SLC26A11: variants seen among roughly 807,000 people sequenced by gnomAD.
The protein encoded by SLC26A11 is sodium-independent sulfate anion transporter.
Under a neutral mutation model 62.2 loss-of-function variants are expected in SLC26A11, and 58 were observed. The observed-to-expected ratio is 0.93, with a 90% CI of 0.76 to 1.16. The LOEUF is 1.16. Ranked by LOEUF, SLC26A11 falls within the 50% of genes most tolerant of loss-of-function variation. The pLI, the probability that SLC26A11 is intolerant of heterozygous loss-of-function variation, is 0.00. For synonymous variants in SLC26A11, 411 were observed against 368.9 expected (o/e 1.11, Z -1.31); for missense variants, 790 against 794.3 (o/e 0.99, Z 0.06).
intron 16 of SLC26A11, 100 bp from the exon 17 acceptor site, chr17:80,251,229 A>G: frequency 1.2e-6 from 2 of 1,611,294 alleles, no homozygotes; most frequent in Non-Finnish European, 1.7e-6. Context: ...GTGAAGCCAT[A>G]CCTCTCCGGG....
In SLC26A11 at chr17:80,222,544, C is replaced by G; in HGVS notation, c.235-111C>G. 8.5e-7 allele frequency: 1 copy of G among 1,178,356 alleles called. No individual in the cohort carries two copies. The highest frequency in any genetic ancestry group is 1.2e-6 in the Non-Finnish European group (1 of 819,996). 73.0% of individuals were successfully genotyped at this position (1,178,356 alleles called of 1,614,324 possible). On this transcript the variant is annotated intron_variant, in intron 3 of 17. Transcript: ENST00000361193. This position sits in a 1 kb window ranked among gnomAD's most constrained non-coding sequence, Gnocchi z 4.7. ...CAGGGCAGGGCGGTGCACCTTTAACCTGGGCCTGGACACAGCTGACACCCA... is the reference window on the plus strand; with the variant it reads ...CAGGGCAGGGCGGTGCACCTTTAACGTGGGCCTGGACACAGCTGACACCCA...
At chr17:80,230,633 C>G (rs554166754) in intron 7 of SLC26A11, among the ~76,000 whole-genome samples, 14 of 152,208 alleles carry the variant, frequency 9.2e-5, no homozygotes, top group Admixed American at 4.6e-4. Flanking sequence ...CAGAGACACA[C>G]TTGGGGCTGC....
At chr17:80,250,585 C>A (rs555861162) in intron 16 of SLC26A11, among the ~76,000 whole-genome samples, 6 of 152,204 alleles carry the variant, frequency 3.9e-5, no homozygotes, top group African/African-American at 9.7e-5. Flanking sequence ...CACCTGTAAT[C>A]CCAGCACTTT....
chr17:80,224,791 C>A (rs950845820), intron 5 of SLC26A11, among the ~76,000 whole-genome samples: 1 of 152,052 alleles, frequency 6.6e-6, no homozygotes, highest in Non-Finnish European at 1.5e-5. Flanking sequence ...TGGAAGGCAT[C>A]CCTTGTTCAT....
intron 16 of SLC26A11, among the ~76,000 whole-genome samples, chr17:80,249,551 GAC>G (rs1191599871): frequency 6.6e-6 from 1 of 152,192 alleles, no homozygotes; most frequent in Non-Finnish European, 1.5e-5. Context: ...TTGTGCTGGG[GAC>G]ACACAGTGAA....
rs1241389226 is a variant in SLC26A11 at position 80,246,187 on chromosome 17, C to T, written c.1131C>T (p.Thr377=). 2 of 1,612,464 alleles carry T rather than the reference C, an allele frequency of 1.2e-6. No individual in the cohort carries two copies. The highest frequency in any genetic ancestry group is 1.3e-5 in the African/African-American group (1 of 74,926). The change falls in exon 12 of 18, where the codon ACC becomes ACT. Residue 377 remains threonine (T), a synonymous_variant. Coordinates refer to ENST00000361193, the MANE Select transcript of SLC26A11 (RefSeq NM_001166347.2). This position sits in a 1 kb window ranked among gnomAD's most constrained non-coding sequence, Gnocchi z 4.4. ...TAVNAQSGVC[T]PAGGLVTGVL... The stretch of plus-strand genomic sequence containing the variant: ...TGAACGCTCAGTCGGGGGTGTGCAC[C>T]CCGGCGGGGGGCCTGGTGACGGGTA...
intron 7 of SLC26A11, among the ~76,000 whole-genome samples, chr17:80,235,383 G>A (rs1024892280): frequency 6.6e-6 from 1 of 151,506 alleles, no homozygotes; most frequent in Non-Finnish European, 1.5e-5. Context: ...TTGAGACAGG[G>A]TCTCACTGTG....
Position 80,222,622 on chromosome 17 carries a change from C to T in SLC26A11, c.235-33C>T, listed in dbSNP as rs1213844916. 6 of 1,601,756 alleles carry T rather than the reference C, an allele frequency of 3.7e-6. No individual in the cohort carries two copies. Among genetic ancestry groups the T allele is most frequent in the Admixed American group, 1.7e-5 (1 of 59,462 alleles). On this transcript the variant is annotated intron_variant, in intron 3 of 17. Coordinates refer to ENST00000361193, the MANE Select transcript of SLC26A11 (RefSeq NM_001166347.2). This position sits in a 1 kb window ranked among gnomAD's most constrained non-coding sequence, Gnocchi z 4.7. ...AGGGAGCTGGTGGATGGGCCTCGGC[C>T]TCCTGAGTGCTCACCACCCTCTCTC...
chr17:80,225,581 T>G (rs971122057), intron 5 of SLC26A11: 2 of 434,912 alleles, frequency 4.6e-6, no homozygotes, highest in African/African-American at 4.0e-5. Flanking sequence ...GAAAAGTAAT[T>G]TAGAGAAAAA....
At position 80,245,176 on chromosome 17, in the gene SLC26A11, C is replaced by A; in HGVS notation, c.1037-20C>A. 6.2e-7 allele frequency: 1 copy of A among 1,613,300 alleles called. No homozygotes were observed. The highest frequency in any genetic ancestry group is 1.1e-5 in the South Asian group (1 of 91,056). On this transcript the variant is annotated intron_variant, in intron 10 of 17. Transcript: ENST00000361193. Reference sequence around the variant, plus strand: ...TGTGTGCCTTCCCTCCACGATCAGCCTGTCTTGCCTCCTCCCCAGGTCTCA... The same window carrying A: ...TGTGTGCCTTCCCTCCACGATCAGCATGTCTTGCCTCCTCCCCAGGTCTCA...
Position 80,252,998 on chromosome 17 carries a change from T to C in SLC26A11, c.*282T>C. 1 of 252,248 alleles carries C rather than the reference T, an allele frequency of 4.0e-6. No homozygotes were observed. Among genetic ancestry groups the C allele is most frequent in the African/African-American group, 2.3e-5 (1 of 44,006 alleles). The allele number at this position is 252,248 out of a possible 1,614,324, so 15.6% of individuals were successfully genotyped here. ...GAGAGAGCCTTCTAGAATGACAGAC[T>C]GTGCGAGGAAGCAGGGGCAGGGGTT... On this transcript the variant is annotated 3_prime_UTR_variant, in exon 18 of 18. Coordinates refer to ENST00000361193, the MANE Select transcript of SLC26A11 (RefSeq NM_001166347.2). The surrounding 1 kb of genome is among the most constrained non-coding windows in gnomAD (Gnocchi z 5.2).
At chr17:80,226,020 A>G (rs2042399820) in intron 6 of SLC26A11, 104 bp downstream of exon 6, 3 of 1,031,664 alleles carry the variant, frequency 2.9e-6, no homozygotes, top group African/African-American at 1.6e-5. Flanking sequence ...CTGCTCAAAC[A>G]GGGGTCCCCA....
At chr17:80,224,731 A>T (rs1356957701) in intron 5 of SLC26A11, among the ~76,000 whole-genome samples, 1 of 152,092 alleles carries the variant, frequency 6.6e-6, no homozygotes, top group Non-Finnish European at 1.5e-5. Flanking sequence ...TGGTGTCAAG[A>T]ATGTTCTTTT....
At chr17:80,239,335 T>C (rs188696763) in intron 9 of SLC26A11, among the ~76,000 whole-genome samples, 2 of 151,394 alleles carry the variant, frequency 1.3e-5, no homozygotes, top group African/African-American at 4.9e-5. Flanking sequence ...CACCTCAGCC[T>C]CCCAAAGTGC....
intron 5 of SLC26A11, 156 bp from the exon 6 acceptor site, chr17:80,225,681 G>T: frequency 9.0e-6 from 6 of 664,772 alleles, no homozygotes; most frequent in Non-Finnish European, 1.6e-5. Flanking sequence ...GTGGGCAGGT[G>T]GACCCCTGAG....
Position 80,222,486 on chromosome 17 carries a change from A to G in SLC26A11, c.235-169A>G. 2 of 638,696 alleles carry G rather than the reference A, an allele frequency of 3.1e-6. No individual in the cohort carries two copies. Among genetic ancestry groups the G allele is most frequent in the Non-Finnish European group, 5.4e-6 (2 of 372,038 alleles). 39.6% of individuals were successfully genotyped at this position (638,696 alleles called of 1,614,324 possible). A position where few individuals can be genotyped will look rare whatever the true frequency, so the allele number is the denominator to read the frequency against. On this transcript the variant is annotated intron_variant, in intron 3 of 17. Coordinates refer to ENST00000361193, the MANE Select transcript of SLC26A11 (RefSeq NM_001166347.2). The surrounding 1 kb of genome is among the most constrained non-coding windows in gnomAD (Gnocchi z 4.7). ...GAGGCCCCAGTTGAGTGCTGCTAAAAAAGTGGCCTCCTGATCACTGCAGGT... is the reference window on the plus strand; with the variant it reads ...GAGGCCCCAGTTGAGTGCTGCTAAAGAAGTGGCCTCCTGATCACTGCAGGT...
In SLC26A11 at chr17:80,246,011, C is replaced by T; in HGVS notation, c.1098-143C>T. On this transcript the variant is annotated intron_variant, in intron 11 of 17. Coordinates refer to ENST00000361193, the MANE Select transcript of SLC26A11 (RefSeq NM_001166347.2). This position sits in a 1 kb window ranked among gnomAD's most constrained non-coding sequence, Gnocchi z 4.4. ...TGTGACTGCACCCTAAGTCTCTTTGCCTCGGTCCCCTTGCAGTCCCCGCCT... is the reference window on the plus strand; with the variant it reads ...TGTGACTGCACCCTAAGTCTCTTTGTCTCGGTCCCCTTGCAGTCCCCGCCT... 4.2e-6 allele frequency: 4 copies of T among 963,686 alleles called. No homozygotes were observed. Among genetic ancestry groups the T allele is most frequent in the Non-Finnish European group, 6.6e-6 (4 of 605,188 alleles). 59.7% of individuals were successfully genotyped at this position (963,686 alleles called of 1,614,324 possible).
intron 6 of SLC26A11, among the ~76,000 whole-genome samples, chr17:80,227,044 G>A (rs578066148): frequency 9.9e-5 from 15 of 152,284 alleles, no homozygotes; most frequent in Middle Eastern, 3.4e-3. Context: ...GTCAGAGAGC[G>A]TCACGGGCTG....
At chr17:80,239,692 T>C (rs976044359) in intron 9 of SLC26A11, among the ~76,000 whole-genome samples, 1 of 152,100 alleles carries the variant, frequency 6.6e-6, no homozygotes, top group South Asian at 2.1e-4. Context: ...TTTTTAATTG[T>C]AGAGACAAGG....
Sources: gnomAD v4.1 joint callset for allele counts (sites outside exome capture counted in the v4.1 genomes callset) on GRCh38, gnomAD v4.1.1 for gene constraint, Gnocchi (gnomAD v3.1) non-coding constraint, MANE v1.5 for transcripts, NCBI Gene and HGNC (gene_info 2026-07-23, HGNC 2026-07-21) for gene names.